The following NRF1 variants were observed in gnomAD, a reference collection of about 807,000 sequenced individuals.
NRF1 encodes the protein nuclear respiratory factor 1.
A neutral mutation model predicts 58.5 loss-of-function variants in NRF1; 5 were observed. The ratio of observed to expected loss-of-function variants is 0.09; its 90% CI spans 0.04 to 0.18. The LOEUF (loss-of-function observed/expected upper bound fraction) is 0.18, where lower values mean the gene tolerates loss of function less well. Ranked by LOEUF, NRF1 falls within the 10% of genes least tolerant of loss-of-function variation. The probability of loss-of-function intolerance (pLI) is 1.00; values close to 1 mark genes in which losing one functional copy is unlikely to be tolerated. For synonymous variants in NRF1, 224 were observed against 246.7 expected (o/e 0.91, Z 0.86); for missense variants, 288 against 657.7 (o/e 0.44, Z 6.15).
At chr7:129,614,617 T>G (rs922676654) in intron 1 of NRF1, among the ~76,000 whole-genome samples, 1 of 152,006 alleles carries the variant, frequency 6.6e-6, no homozygotes, top group African/African-American at 2.4e-5. Flanking sequence ...GTGCTGGCAG[T>G]GGCTTCATAA....
intron 1 of NRF1, among the ~76,000 whole-genome samples, chr7:129,628,387 T>C (rs1023941192): frequency 6.6e-6 from 1 of 152,076 alleles, no homozygotes; most frequent in South Asian, 2.1e-4. Context: ...ATGTATGTTA[T>C]AACTTTTGAT....
intron 1 of NRF1, among the ~76,000 whole-genome samples, chr7:129,612,522 A>T (rs1233124368): frequency 6.6e-6 from 1 of 152,162 alleles, no homozygotes; most frequent in East Asian, 1.9e-4. Flanking sequence ...AGGAGGGCGC[A>T]AAGTCCTTTT....
At chr7:129,665,741 C>T (rs1457193585) in intron 2 of NRF1, among the ~76,000 whole-genome samples, 1 of 152,086 alleles carries the variant, frequency 6.6e-6, no homozygotes, top group Non-Finnish European at 1.5e-5. Context: ...CCTCCCACCT[C>T]ATCCTCGTGG....
intron 5 of NRF1, among the ~76,000 whole-genome samples, chr7:129,695,823 A>G (rs1205250274): frequency 2.0e-5 from 3 of 151,694 alleles, no homozygotes; most frequent in Non-Finnish European, 4.4e-5. Flanking sequence ...ACATGGTGGC[A>G]TTATAGGTGA....
chr7:129,723,606 A>G (rs1368887191), intron 9 of NRF1, among the ~76,000 whole-genome samples: 4 of 152,100 alleles, frequency 2.6e-5, no homozygotes, highest in East Asian at 3.8e-4. Flanking sequence ...TTCTGTCATG[A>G]AAAATGTAAA....
intron 8 of NRF1, among the ~76,000 whole-genome samples, chr7:129,712,160 A>G (rs2116200510): frequency 1.3e-5 from 2 of 152,228 alleles, no homozygotes; most frequent in Non-Finnish European, 2.9e-5. Context: ...CACTTTAGAG[A>G]TGAGAAAACC....
intron 1 of NRF1, among the ~76,000 whole-genome samples, chr7:129,642,757 A>T (rs10246951): frequency 0.18 from 19,790 of 108,818 alleles, 2,165 homozygotes; most frequent in East Asian, 0.4. Context: ...TCTTTAAAAA[A>T]TTTTTTTTTT....
At chr7:129,674,161 T>A (rs1370464972) in intron 3 of NRF1, among the ~76,000 whole-genome samples, 1 of 152,136 alleles carries the variant, frequency 6.6e-6, no homozygotes, top group Non-Finnish European at 1.5e-5. Flanking sequence ...AAAGCTGTTT[T>A]CATTTCATCC....
At chr7:129,617,552 G>A (rs1800683576) in intron 1 of NRF1, among the ~76,000 whole-genome samples, 1 of 152,164 alleles carries the variant, frequency 6.6e-6, no homozygotes, top group African/African-American at 2.4e-5. Context: ...TTCACCTGAC[G>A]ATGATTAAAG....
At chr7:129,664,508 G>C (rs953990066) in intron 2 of NRF1, among the ~76,000 whole-genome samples, 3 of 152,148 alleles carry the variant, frequency 2.0e-5, no homozygotes, top group Non-Finnish European at 4.4e-5. Flanking sequence ...TTTCCGGAGT[G>C]GTGAATTTAA....
chr7:129,711,615 G>C, intron 8 of NRF1, 39 bp downstream of exon 8: 1 of 1,498,578 alleles, frequency 6.7e-7, no homozygotes, highest in Non-Finnish European at 9.2e-7. Context: ...TTAAATACTT[G>C]AATGTATAAT....
intron 5 of NRF1, 127 bp downstream of exon 5, chr7:129,690,673 G>A (rs1309601830): frequency 3.1e-6 from 3 of 977,096 alleles, no homozygotes; most frequent in African/African-American, 1.6e-5. Flanking sequence ...CTGGAGTCTT[G>A]TAGTGAAACA....
At chr7:129,694,879 G>T (rs1270318965) in intron 5 of NRF1, among the ~76,000 whole-genome samples, 1 of 152,148 alleles carries the variant, frequency 6.6e-6, no homozygotes, top group African/African-American at 2.4e-5. Flanking sequence ...ATGCCCTCCA[G>T]TTAAACACAG....
chr7:129,711,327 T>C, intron 7 of NRF1, 148 bp from the exon 8 acceptor site: 1 of 573,726 alleles, frequency 1.7e-6, no homozygotes, highest in Admixed American at 3.5e-5. Context: ...ACTATGATTT[T>C]AGTGAGCTAT....
chr7:129,619,394 G>GTGTA (rs55701424), intron 1 of NRF1, among the ~76,000 whole-genome samples: 1 of 46,632 alleles, frequency 2.1e-5, no homozygotes, highest in African/African-American at 9.6e-5. Flanking sequence ...CTTGGCATAC[G>GTGTA]TGTATATATA....
chr7:129,684,719 A>T (rs1281199409), intron 4 of NRF1, among the ~76,000 whole-genome samples: 1 of 152,170 alleles, frequency 6.6e-6, no homozygotes, highest in Non-Finnish European at 1.5e-5. Context: ...GAACCGTGGG[A>T]GTTGCATGCA....
rs549080962 is a variant in NRF1 at position 129,613,713 on chromosome 7, A to T, written c.-7+1889A>T. Among the ~76,000 whole-genome samples, 7 of 151,166 alleles carry T rather than the reference A, an allele frequency of 4.6e-5. No homozygotes were observed. The South Asian group carries it at 6.4e-4, about 14-fold the overall frequency. On this transcript the variant is annotated intron_variant, in intron 1 of 10. Coordinates refer to ENST00000393232, the MANE Select transcript of NRF1 (RefSeq NM_005011.5). ...CAGGAGTTCGAGACCAGCCTGGCCA[A>T]CATGGTGAAAGCCCATCTCTGTTAA...
intron 1 of NRF1, among the ~76,000 whole-genome samples, chr7:129,626,888 T>C (rs1041705044): frequency 6.6e-6 from 1 of 152,244 alleles, no homozygotes; most frequent in African/African-American, 2.4e-5. Context: ...GTAACAAATG[T>C]ACATCTAATG....
intron 5 of NRF1, among the ~76,000 whole-genome samples, chr7:129,691,540 A>G (rs1188619847): frequency 1.3e-5 from 2 of 150,990 alleles, no homozygotes; most frequent in African/African-American, 4.9e-5. Context: ...TTTTTAGTAG[A>G]GATGGGGTTT....
Sources: allele counts gnomAD v4.1 joint callset (sites outside exome capture counted in the v4.1 genomes callset), GRCh38; gene constraint gnomAD v4.1.1; transcripts MANE v1.5; gene names NCBI Gene and HGNC (gene_info 2026-07-23, HGNC 2026-07-21).